The following NRG1 variants were observed in gnomAD, a reference collection of about 807,000 sequenced individuals.
NRG1 encodes pro-neuregulin-1, membrane-bound isoform.
Under a neutral mutation model 63.8 loss-of-function variants are expected in NRG1, and 18 were observed. The ratio of observed to expected loss-of-function variants is 0.28; its 90% CI spans 0.19 to 0.42. The LOEUF is 0.42. NRG1 is among the 10% of genes least tolerant of loss of function. NRG1 has a pLI of 1.00. For missense variants in NRG1, 762 were observed against 814.7 expected, an observed-to-expected ratio of 0.94 and a Z score of 0.79; for synonymous variants, 302 against 301.3, an observed-to-expected ratio of 1.00 and a Z score of -0.02.
chr8:32,664,694 A>T (rs1021863798), intron 5 of NRG1, among the ~76,000 whole-genome samples: 7 of 152,138 alleles, frequency 4.6e-5, no homozygotes, highest in African/African-American at 1.7e-4. Context: ...GCAGAAGGAA[A>T]TGGGATGCCA....
At chr8:32,704,478 G>C (rs1204624152) in intron 5 of NRG1, among the ~76,000 whole-genome samples, 1 of 152,038 alleles carries the variant, frequency 6.6e-6, no homozygotes, top group Admixed American at 6.5e-5. Context: ...TATCACATAA[G>C]CAAATAAAAA....
rs190500445 is a variant in NRG1 at position 32,522,927 on chromosome 8, G to A, written c.38-72901G>A. 5.8e-3 allele frequency among the ~76,000 whole-genome samples: 883 copies of A among 151,656 alleles called. 7 individuals are homozygous for A. Among genetic ancestry groups the A allele is most frequent in the Middle Eastern group, 0.014 (4 of 294 alleles). Reference sequence around the variant, plus strand: ...CTCAGGTGATCCTCCCACCTAGCCTGAGTAGCTAGGACTATAGGTGCCCAC... The same window carrying A: ...CTCAGGTGATCCTCCCACCTAGCCTAAGTAGCTAGGACTATAGGTGCCCAC... On this transcript the variant is annotated intron_variant, in intron 1 of 10. Coordinates refer to the NRG1 transcript ENST00000519301.
intron 7 of NRG1, among the ~76,000 whole-genome samples, chr8:32,743,591 TATATAA>T (rs1383186074): frequency 6.9e-6 from 1 of 145,734 alleles, no homozygotes; most frequent in African/African-American, 2.5e-5. Flanking sequence ...TATATATATA[TATATAA>T]AACTTAATAA....
intron 1 of NRG1, among the ~76,000 whole-genome samples, chr8:32,576,196 T>G (rs73234169): frequency 0.2 from 30,186 of 152,154 alleles, 3,804 homozygotes; most frequent in Admixed American, 0.33. Flanking sequence ...AATCAGTTGT[T>G]TAAATATTAT....
At chr8:32,652,579 T>C (rs934600392) in intron 5 of NRG1, among the ~76,000 whole-genome samples, 1 of 152,158 alleles carries the variant, frequency 6.6e-6, no homozygotes, top group Non-Finnish European at 1.5e-5. Context: ...TTTCATTGCA[T>C]CATATCAAAA....
At chr8:32,660,549 T>A (rs1456984115) in intron 5 of NRG1, among the ~76,000 whole-genome samples, 1 of 152,192 alleles carries the variant, frequency 6.6e-6, no homozygotes, top group African/African-American at 2.4e-5. Context: ...AAAATTCACA[T>A]CATGGAGTTT....
At chr8:32,759,350 G>A (rs1368912955) in exon 10 of NRG1, 23 of 1,613,806 alleles carry the variant, frequency 1.4e-5, no homozygotes, top group Non-Finnish European at 1.9e-5. Context: ...ATATTGTTGA[G>A]AGAGAAGCAG....
chr8:32,524,570 T>C (rs1421876994), intron 1 of NRG1, among the ~76,000 whole-genome samples: 2 of 152,066 alleles, frequency 1.3e-5, no homozygotes, highest in African/African-American at 4.8e-5. Context: ...GAAAAAAACA[T>C]TCCAGTTGCC....
intron 1 of NRG1, among the ~76,000 whole-genome samples, chr8:31,948,010 C>A: frequency 7.3e-6 from 1 of 137,846 alleles, no homozygotes; most frequent in East Asian, 2.2e-4. Flanking sequence ...TGCTTTAATT[C>A]TTTGACTTAA....
intron 1 of NRG1, among the ~76,000 whole-genome samples, chr8:32,567,003 C>T (rs112623199): frequency 1.3e-5 from 2 of 152,220 alleles, no homozygotes; most frequent in Admixed American, 6.5e-5. Flanking sequence ...CCACCACACC[C>T]GGCTAATTTT....
intron 1 of NRG1, among the ~76,000 whole-genome samples, chr8:31,901,399 G>A (rs947939662): frequency 3.9e-5 from 6 of 152,112 alleles, no homozygotes; most frequent in Non-Finnish European, 8.8e-5. Flanking sequence ...GGAAAGTTAT[G>A]ACCTAGAATC....
Position 31,842,078 on chromosome 8 carries a change from A to G in NRG1, c.37+202647A>G, listed in dbSNP as rs536129515. Among the ~76,000 whole-genome samples, 11 of 152,348 alleles carry G rather than the reference A, an allele frequency of 7.2e-5. No individual in the cohort carries two copies. The East Asian group carries it at 2.1e-3, about 29-fold the overall frequency. On this transcript the variant is annotated intron_variant, in intron 1 of 10. Transcript: ENST00000519301. ...TAATGTTGTCAAACCTTGTTATTCC[A>G]TAATGGGGGCATAGTTGTGCAAACT...
At chr8:32,198,116 A>G (rs1428153774) in intron 1 of NRG1, among the ~76,000 whole-genome samples, 1 of 152,230 alleles carries the variant, frequency 6.6e-6, no homozygotes, top group African/African-American at 2.4e-5. Context: ...AATTGGCAGG[A>G]CCATTGCTTG....
intron 1 of NRG1, among the ~76,000 whole-genome samples, chr8:31,703,960 C>G (rs1180725719): frequency 2.0e-5 from 3 of 152,190 alleles, no homozygotes; most frequent in Non-Finnish European, 4.4e-5. Context: ...TTCATTGGCT[C>G]TTGTAAGATG....
chr8:31,867,882 T>C lies in NRG1; in HGVS notation c.37+228451T>C, dbSNP rs75053942. ...TATTTTATAACCATATCACCATATA[T>C]TGACATACCTATGTCACTGAAGGTA... On this transcript the variant is annotated intron_variant, in intron 1 of 10. Coordinates refer to the NRG1 transcript ENST00000519301. Among the ~76,000 whole-genome samples the C allele has an allele frequency of 9.0e-3, 1,371 of 152,256 alleles. 22 individuals carry two copies. Among genetic ancestry groups the C allele is most frequent in the African/African-American group, 0.031 (1,302 of 41,540 alleles).
At chr8:32,179,187 TAAAAAAA>T (rs35411561) in intron 1 of NRG1, among the ~76,000 whole-genome samples, 3 of 66,516 alleles carry the variant, frequency 4.5e-5, no homozygotes, top group African/African-American at 6.5e-5. Flanking sequence ...CTCACAGTCA[TAAAAAAA>T]AAAAAAAAAA....
chr8:32,565,743 C>A (rs968721845), intron 1 of NRG1, among the ~76,000 whole-genome samples: 3 of 152,048 alleles, frequency 2.0e-5, no homozygotes, highest in Non-Finnish European at 4.4e-5. Context: ...GCAGAGTAAG[C>A]CTAGTTGTTT....
At chr8:32,360,629 T>A (rs974573103) in intron 1 of NRG1, among the ~76,000 whole-genome samples, 31 of 152,226 alleles carry the variant, frequency 2.0e-4, no homozygotes, top group African/African-American at 7.5e-4. Context: ...TCATAATTTG[T>A]ATTTATAATT....
chr8:31,787,651 G>A (rs141101920), intron 1 of NRG1, among the ~76,000 whole-genome samples: 1 of 152,246 alleles, frequency 6.6e-6, no homozygotes, highest in African/African-American at 2.4e-5. Flanking sequence ...ATTGTTATAA[G>A]TTGTCATAAG....
Sources: allele counts gnomAD v4.1 joint callset (sites outside exome capture counted in the v4.1 genomes callset), GRCh38; gene constraint gnomAD v4.1.1; transcripts MANE v1.5; gene names NCBI Gene and HGNC (gene_info 2026-07-23, HGNC 2026-07-21).